TANC1: variants seen among roughly 807,000 people sequenced by gnomAD.
TANC1 encodes the protein tetratricopeptide repeat, ankyrin repeat and coiled-coil containing 1, also known as protein TANC1.
A neutral mutation model predicts 149.7 loss-of-function variants in TANC1; 77 were observed. That is an observed-to-expected ratio of 0.51 (90% CI 0.43 to 0.62). The LOEUF is 0.62. Among genes scored for constraint, TANC1 ranks in the 20% least tolerant of loss-of-function variants. The pLI, the probability that TANC1 is intolerant of heterozygous loss-of-function variation, is 0.00. For missense variants in TANC1, 1,985 were observed against 2,321.8 expected, an observed-to-expected ratio of 0.85 and a Z score of 2.98; for synonymous variants, 854 against 925.0, an observed-to-expected ratio of 0.92 and a Z score of 1.39.
intron 1 of TANC1, among the ~76,000 whole-genome samples, chr2:158,991,678 G>A (rs1290579757): frequency 2.0e-5 from 3 of 151,940 alleles, no homozygotes; most frequent in African/African-American, 7.3e-5. Flanking sequence ...CCTGGGAGGC[G>A]GAGCTTGCAG....
chr2:159,215,399 T>A (rs1474009042), intron 19 of TANC1, among the ~76,000 whole-genome samples: 4 of 152,200 alleles, frequency 2.6e-5, no homozygotes. Flanking sequence ...GTTTGCCGCC[T>A]TTTGTTTATG....
At chr2:159,018,632 T>C (rs1559137608) in intron 2 of TANC1, among the ~76,000 whole-genome samples, 1 of 152,186 alleles carries the variant, frequency 6.6e-6, no homozygotes, top group Non-Finnish European at 1.5e-5. Flanking sequence ...TCTGTACCCA[T>C]TAAACAATAA....
intron 4 of TANC1, among the ~76,000 whole-genome samples, chr2:159,113,929 G>A (rs1045831262): frequency 1.1e-4 from 17 of 152,188 alleles, no homozygotes; most frequent in Non-Finnish European, 4.4e-5. Context: ...TCATCATTGG[G>A]ATCTGAGTTT....
At chr2:159,216,642 G>A (rs55989310) in intron 19 of TANC1, among the ~76,000 whole-genome samples, 4,031 of 152,224 alleles carry the variant, frequency 0.026, 164 homozygotes, top group African/African-American at 0.086. Flanking sequence ...TGAGTACCCC[G>A]CCTCGTTGTC....
rs950658446 is a variant in TANC1, at chr2:159,206,952, G to C, written c.3244+7899G>C. The stretch of plus-strand genomic sequence containing the variant: ...CTTTAGAAGTGACAGCTGTCCAAAG[G>C]TCCGGTCTTCTCATGGATTCTTAGA... On this transcript the variant is annotated intron_variant, in intron 19 of 26. Transcript: ENST00000263635. Among the ~76,000 whole-genome samples, 4 of 152,162 alleles carry C rather than the reference G, an allele frequency of 2.6e-5. No individual in the cohort carries two copies. In the East Asian group the frequency reaches 7.7e-4, roughly 29 times the overall value.
At chr2:159,003,689 G>A (rs1005085439) in intron 2 of TANC1, among the ~76,000 whole-genome samples, 12 of 152,224 alleles carry the variant, frequency 7.9e-5, no homozygotes, top group Non-Finnish European at 1.3e-4. Context: ...AGGCTGCCTC[G>A]GAGAGGGAGA....
At chr2:159,102,144 T>G (rs1439143534) in intron 4 of TANC1, among the ~76,000 whole-genome samples, 1 of 152,240 alleles carries the variant, frequency 6.6e-6, no homozygotes, top group Non-Finnish European at 1.5e-5. Context: ...AAGTATTTCT[T>G]GTAGAAAATC....
At chr2:159,149,997 T>C (rs1409995820) in intron 6 of TANC1, 1 of 185,526 alleles carries the variant, frequency 5.4e-6, no homozygotes, top group African/African-American at 2.4e-5. Context: ...AGGTCTTCCG[T>C]ACAGAGGTCA....
In TANC1 at chr2:159,160,336, AT is replaced by A. The variant is rs566580174; in HGVS notation, c.683-2935del. ...AAATGTCAAATAGCACTTTTTAGAG[AT>A]TTTTTTTTTTTAAGTCATCACAGTT... On this transcript the variant is annotated intron_variant, in intron 7 of 26. Transcript: ENST00000263635. Among the ~76,000 whole-genome samples the A allele has an allele frequency of 3.0e-3, 444 of 147,576 alleles. 1 individual carries two copies. The highest frequency in any genetic ancestry group is 6.6e-3 in the African/African-American group (269 of 40,588).
intron 2 of TANC1, among the ~76,000 whole-genome samples, chr2:159,034,947 A>G (rs909546723): frequency 1.3e-5 from 2 of 152,188 alleles, no homozygotes; most frequent in Non-Finnish European, 2.9e-5. Context: ...AGCAGTGTTC[A>G]ATGCTGCAGA....
intron 15 of TANC1, 23 bp downstream of exon 15, chr2:159,185,922 G>A (rs2150603265): frequency 6.5e-7 from 1 of 1,532,248 alleles, no homozygotes; most frequent in Non-Finnish European, 9.0e-7. Flanking sequence ...CCAACTTGGG[G>A]AAGGGTTTCT....
intron 1 of TANC1, among the ~76,000 whole-genome samples, 180 bp from the exon 2 acceptor site, chr2:159,000,900 T>G (rs1217668801): frequency 6.6e-6 from 1 of 152,160 alleles, no homozygotes; most frequent in Non-Finnish European, 1.5e-5. Flanking sequence ...GACACTGCCC[T>G]AAGTGCTTTG....
At chr2:159,204,412 G>C (rs1326105526) in intron 19 of TANC1, among the ~76,000 whole-genome samples, 2 of 152,186 alleles carry the variant, frequency 1.3e-5, no homozygotes, top group Non-Finnish European at 2.9e-5. Context: ...TGTGCTGAAG[G>C]CATGGTGGGC....
chr2:159,058,462 CT>C (rs60844609), intron 2 of TANC1, among the ~76,000 whole-genome samples: 105,924 of 151,834 alleles, frequency 0.7, 37,136 homozygotes, highest in Non-Finnish European at 0.74. Flanking sequence ...CATTTAAAGA[CT>C]TTTTTTTTAG....
chr2:159,100,253 A>G (rs1032060729), intron 4 of TANC1, among the ~76,000 whole-genome samples: 2 of 152,154 alleles, frequency 1.3e-5, no homozygotes, highest in African/African-American at 2.4e-5. Flanking sequence ...GTCAGATATA[A>G]TTTTATTCAC....
In TANC1 at chr2:159,084,199, G is replaced by A. The variant is rs186819731; in HGVS notation, c.62-13438G>A. 1.3e-4 allele frequency among the ~76,000 whole-genome samples: 20 copies of A among 151,440 alleles called. No individual in the cohort carries two copies. In the East Asian group the frequency reaches 2.9e-3, roughly 22 times the overall value. ...TGGGAGGTGGAGGGTGCAGTGAGCC[G>A]AGATCGTGCCACTGCACTCCAGCCT... On this transcript the variant is annotated intron_variant, in intron 3 of 26. Coordinates refer to ENST00000263635, the MANE Select transcript of TANC1 (RefSeq NM_033394.3).
At chr2:159,184,717 A>G (rs138119230) in intron 14 of TANC1, among the ~76,000 whole-genome samples, 249 of 152,296 alleles carry the variant, frequency 1.6e-3, no homozygotes, top group Non-Finnish European at 3.0e-3. Context: ...GGGGAATCCC[A>G]GGCTCAAGAT....
chr2:159,152,128 G>C (rs974706852), intron 7 of TANC1, among the ~76,000 whole-genome samples: 1 of 152,146 alleles, frequency 6.6e-6, no homozygotes, highest in Non-Finnish European at 1.5e-5. Context: ...TTTTCACTCA[G>C]CTTGAAGGCC....
intron 19 of TANC1, among the ~76,000 whole-genome samples, chr2:159,207,697 CAAAAAAAAAAAAAAA>C (rs10603858): frequency 6.1e-5 from 3 of 49,432 alleles, no homozygotes; most frequent in East Asian, 1.3e-3. Flanking sequence ...ACACGTGTCT[CAAAAAAAAAAAAAAA>C]AAAAAAAAAA....
Sources: allele counts gnomAD v4.1 joint callset (sites outside exome capture counted in the v4.1 genomes callset), GRCh38; gene constraint gnomAD v4.1.1; transcripts MANE v1.5; gene names NCBI Gene and HGNC (gene_info 2026-07-23, HGNC 2026-07-21).